The following OR9Q1 variants were observed in gnomAD, a reference collection of about 807,000 sequenced individuals.
OR9Q1 encodes the protein olfactory receptor family 9 subfamily Q member 1.
For missense variants in OR9Q1, 374 were observed against 378.8 expected, an observed-to-expected ratio of 0.99 and a Z score of 0.11; for synonymous variants, 153 against 148.6, an observed-to-expected ratio of 1.03 and a Z score of -0.22.
chr11:58,156,636 A>G (rs3019058), intron 2 of OR9Q1, among the ~76,000 whole-genome samples: 25,883 of 152,154 alleles, frequency 0.17, 2,351 homozygotes, highest in East Asian at 0.21. Context: ...TTTCTTTATG[A>G]TAATAAACAC....
At chr11:58,065,455 T>C (rs1590567480) in intron 2 of OR9Q1, among the ~76,000 whole-genome samples, 3 of 152,160 alleles carry the variant, frequency 2.0e-5, no homozygotes, top group African/African-American at 7.2e-5. Context: ...GCAGGTGATG[T>C]AGGAGTCTAG....
intron 2 of OR9Q1, among the ~76,000 whole-genome samples, chr11:58,120,803 C>CATATATAT (rs61634454): frequency 0.091 from 12,007 of 132,250 alleles, 688 homozygotes; most frequent in Admixed American, 0.18. Flanking sequence ...ATTTCAATAC[C>CATATATAT]ATATATATAT....
At chr11:58,074,224 A>C (rs572933777) in intron 2 of OR9Q1, among the ~76,000 whole-genome samples, 4 of 152,174 alleles carry the variant, frequency 2.6e-5, no homozygotes, top group Non-Finnish European at 5.9e-5. Context: ...TTCTAGTTCT[A>C]GATCCTTGAG....
intron 2 of OR9Q1, among the ~76,000 whole-genome samples, chr11:58,134,999 A>G (rs1362936338): frequency 6.6e-6 from 1 of 152,124 alleles, no homozygotes; most frequent in Non-Finnish European, 1.5e-5. Flanking sequence ...AACAGAACCA[A>G]CCTTTGTTGA....
chr11:58,125,054 T>C (rs1854075329), intron 2 of OR9Q1, among the ~76,000 whole-genome samples: 1 of 152,176 alleles, frequency 6.6e-6, no homozygotes, highest in Non-Finnish European at 1.5e-5. Flanking sequence ...AGAGTCCTAG[T>C]ACATATGACT....
chr11:58,102,726 A>T (rs1565076265), intron 2 of OR9Q1, among the ~76,000 whole-genome samples: 1 of 152,132 alleles, frequency 6.6e-6, no homozygotes. Flanking sequence ...AGTTTCACTA[A>T]AATGTGCTCC....
At chr11:58,134,455 G>T (rs546904892) in intron 2 of OR9Q1, among the ~76,000 whole-genome samples, 1 of 152,242 alleles carries the variant, frequency 6.6e-6, no homozygotes, top group Non-Finnish European at 1.5e-5. Context: ...TCTAGGATGG[G>T]GCTGATGCTA....
At chr11:58,068,804 T>C (rs74354817) in intron 2 of OR9Q1, among the ~76,000 whole-genome samples, 5,457 of 151,954 alleles carry the variant, frequency 0.036, 110 homozygotes, top group East Asian at 0.061. Context: ...CAGAGAGCAG[T>C]TTGGTGGGGG....
chr11:58,115,296 C>T (rs1397812452), intron 2 of OR9Q1, among the ~76,000 whole-genome samples: 2 of 152,042 alleles, frequency 1.3e-5, no homozygotes, highest in African/African-American at 2.4e-5. Context: ...TATTGTGAGA[C>T]TTTGGGTAAA....
chr11:58,062,363 T>C (rs1853388068), intron 2 of OR9Q1, among the ~76,000 whole-genome samples: 2 of 152,164 alleles, frequency 1.3e-5, no homozygotes, highest in East Asian at 1.9e-4. Context: ...TTTTAGTTGA[T>C]TGGGTTATCA....
intron 2 of OR9Q1, among the ~76,000 whole-genome samples, chr11:58,154,061 G>C (rs185174777): frequency 2.0e-4 from 30 of 151,800 alleles, no homozygotes; most frequent in Non-Finnish European, 2.9e-5. Flanking sequence ...GAGAGAGACA[G>C]AGAGGGAGAG....
intron 2 of OR9Q1, among the ~76,000 whole-genome samples, chr11:58,086,423 C>T (rs571116168): frequency 6.6e-6 from 1 of 151,944 alleles, no homozygotes; most frequent in South Asian, 2.1e-4. Context: ...TAAATGAATA[C>T]AGCCATTATG....
chr11:58,085,844 A>G (rs2120052859), intron 2 of OR9Q1, among the ~76,000 whole-genome samples: 2 of 151,866 alleles, frequency 1.3e-5, no homozygotes, highest in East Asian at 3.9e-4. Flanking sequence ...ATCCCCCACA[A>G]TAACAAGAAC....
chr11:58,109,198 C>T (rs1397547199), intron 2 of OR9Q1: 2 of 475,922 alleles, frequency 4.2e-6, no homozygotes, highest in East Asian at 1.3e-4. Context: ...CAGAATGGCC[C>T]CTGACACCCC....
intron 1 of OR9Q1, among the ~76,000 whole-genome samples, chr11:58,034,520 C>T (rs2119922000): frequency 6.6e-6 from 1 of 152,048 alleles, no homozygotes; most frequent in Admixed American, 6.5e-5. Context: ...AATTTCAGCG[C>T]CCATAAATCA....
Position 58,138,102 on chromosome 11 carries a change from T to A in OR9Q1, c.-14-41329T>A, listed in dbSNP as rs368422834. 3.9e-5 allele frequency among the ~76,000 whole-genome samples: 6 copies of A among 152,274 alleles called. No homozygotes were observed. In the East Asian group the frequency reaches 9.7e-4, roughly 25 times the overall value. Reference sequence around the variant, plus strand: ...TGCTGTTTCCAGCCTTCGTATCACATGCTCTCTCTGGCTCATCACCGTCAA... The same window carrying A: ...TGCTGTTTCCAGCCTTCGTATCACAAGCTCTCTCTGGCTCATCACCGTCAA... On this transcript the variant is annotated intron_variant, in intron 2 of 2. Coordinates refer to ENST00000335397, the MANE Select transcript of OR9Q1 (RefSeq NM_001005212.4).
chr11:58,048,718 AAG>A (rs1368508170), intron 1 of OR9Q1, among the ~76,000 whole-genome samples: 3 of 143,110 alleles, frequency 2.1e-5, no homozygotes, highest in Non-Finnish European at 4.5e-5. Flanking sequence ...CTAATAAAAA[AAG>A]AGAGAAGAAT....
chr11:58,167,624 T>G (rs1854517375), intron 2 of OR9Q1, among the ~76,000 whole-genome samples: 1 of 152,168 alleles, frequency 6.6e-6, no homozygotes, highest in Non-Finnish European at 1.5e-5. Flanking sequence ...TTTAGCTGGG[T>G]AGGCTCATGC....
At chr11:58,174,080 C>G (rs1242373470) in intron 2 of OR9Q1, among the ~76,000 whole-genome samples, 1 of 152,072 alleles carries the variant, frequency 6.6e-6, no homozygotes, top group Non-Finnish European at 1.5e-5. Context: ...GATCATTGTT[C>G]ATAAAATAAA....
Sources: gnomAD v4.1 joint callset for allele counts (sites outside exome capture counted in the v4.1 genomes callset) on GRCh38, gnomAD v4.1.1 for gene constraint, MANE v1.5 for transcripts, NCBI Gene and HGNC (gene_info 2026-07-23, HGNC 2026-07-21) for gene names.